Variants in KIF6 observed in about 807,000 individuals in gnomAD.
KIF6 encodes kinesin family member 6, also known as kinesin-like protein KIF6.
KIF6 carries 106 observed loss-of-function variants against 112.7 expected under a neutral mutation model. The ratio of observed to expected loss-of-function variants is 0.94; its 90% CI spans 0.80 to 1.11. KIF6 has a LOEUF of 1.11. Among genes scored for constraint, KIF6 ranks in the 50% least tolerant of loss-of-function variants. The pLI is 0.00. For synonymous variants in KIF6, 339 were observed against 339.9 expected, an observed-to-expected ratio of 1.00 and a Z score of 0.03; for missense variants, 929 against 964.0, an observed-to-expected ratio of 0.96 and a Z score of 0.48.
intron 15 of KIF6, among the ~76,000 whole-genome samples, chr6:39,417,637 C>T (rs1037897863): frequency 3.9e-5 from 6 of 152,110 alleles, no homozygotes; most frequent in Non-Finnish European, 7.4e-5. Context: ...TTAAGGCAGC[C>T]CCCAACCTGC....
At chr6:39,431,223 T>C in intron 13 of KIF6, 62 bp from the exon 14 acceptor site, 1 of 974,284 alleles carries the variant, frequency 1.0e-6, no homozygotes. Flanking sequence ...AATTTCATTG[T>C]CACTTCAGTC....
At chr6:39,592,110 TCAAAAAAACAAA>T (rs1042290226) in intron 7 of KIF6, among the ~76,000 whole-genome samples, 1 of 149,578 alleles carries the variant, frequency 6.7e-6, no homozygotes, top group Admixed American at 6.6e-5. Context: ...AGACTCCGTC[TCAAAAAAACAAA>T]CAAACAAACA....
At chr6:39,444,148 A>G (rs1772155145) in intron 13 of KIF6, among the ~76,000 whole-genome samples, 1 of 152,186 alleles carries the variant, frequency 6.6e-6, no homozygotes, top group Non-Finnish European at 1.5e-5. Context: ...ATTAAGGTTG[A>G]AAGAGGTTAA....
At chr6:39,427,802 T>G (rs1470048675) in intron 14 of KIF6, among the ~76,000 whole-genome samples, 1 of 152,202 alleles carries the variant, frequency 6.6e-6, no homozygotes, top group African/African-American at 2.4e-5. Context: ...TTGTCAGAAC[T>G]CTACTGTACA....
chr6:39,385,473 C>T, intron 16 of KIF6, 149 bp downstream of exon 16: 1 of 652,002 alleles, frequency 1.5e-6, no homozygotes, highest in Admixed American at 2.4e-5. Context: ...GAGGGGCATC[C>T]AAGGAAAGCT....
intron 13 of KIF6, among the ~76,000 whole-genome samples, chr6:39,447,458 AT>A (rs1772402808): frequency 6.6e-6 from 1 of 152,192 alleles, no homozygotes; most frequent in African/African-American, 2.4e-5. Flanking sequence ...GCACAAAGTC[AT>A]ATTTTAAAAT....
At chr6:39,568,709 C>T (rs1780463490) in intron 10 of KIF6, among the ~76,000 whole-genome samples, 1 of 151,938 alleles carries the variant, frequency 6.6e-6, no homozygotes, top group South Asian at 2.1e-4. Context: ...CACCATCATG[C>T]CCGGCTAATT....
At position 39,481,889 on chromosome 6, in the gene KIF6, G is replaced by A. The variant is rs575702956; in HGVS notation, c.1646-50728C>T. Among the ~76,000 whole-genome samples the A allele has an allele frequency of 7.2e-5, 11 of 152,120 alleles. No individual in the cohort carries two copies. The South Asian group carries it at 1.9e-3, about 26-fold the overall frequency. ...CCCTTCCCTAAAGTCTGCATTTTGAGCCCATTCTGATCTATCCCTTATGTG... is the reference window on the plus strand; with the variant it reads ...CCCTTCCCTAAAGTCTGCATTTTGAACCCATTCTGATCTATCCCTTATGTG... On this transcript the variant is annotated intron_variant, in intron 13 of 22. Coordinates refer to ENST00000287152, the MANE Select transcript of KIF6 (RefSeq NM_145027.6).
chr6:39,659,538 GTGTT>G (rs1425495024), intron 3 of KIF6, among the ~76,000 whole-genome samples: 1 of 152,106 alleles, frequency 6.6e-6, no homozygotes, highest in Non-Finnish European at 1.5e-5. Flanking sequence ...TAATCCCCAC[GTGTT>G]GTGGGATGGA....
chr6:39,542,079 T>C (rs982852726), intron 12 of KIF6, among the ~76,000 whole-genome samples: 1 of 152,094 alleles, frequency 6.6e-6, no homozygotes, highest in Admixed American at 6.5e-5. Flanking sequence ...GGGGAGGGGA[T>C]GGTGTAGGCA....
intron 13 of KIF6, among the ~76,000 whole-genome samples, chr6:39,455,328 A>C (rs1242866075): frequency 1.3e-5 from 2 of 151,866 alleles, no homozygotes; most frequent in East Asian, 3.9e-4. Context: ...TAGAAGGAAA[A>C]CTAACAAACA....
intron 13 of KIF6, among the ~76,000 whole-genome samples, chr6:39,443,887 G>C (rs1772132938): frequency 6.6e-6 from 1 of 152,158 alleles, no homozygotes; most frequent in African/African-American, 2.4e-5. Flanking sequence ...ATGGAGTTTA[G>C]ATATGCTTAT....
chr6:39,480,657 T>C (rs941518917), intron 13 of KIF6, among the ~76,000 whole-genome samples: 10 of 152,326 alleles, frequency 6.6e-5, no homozygotes, highest in African/African-American at 2.4e-4. Flanking sequence ...GAATGTCTGA[T>C]AGAATTCAGC....
At chr6:39,708,495 G>T (rs1053712799) in intron 3 of KIF6, among the ~76,000 whole-genome samples, 2 of 152,144 alleles carry the variant, frequency 1.3e-5, no homozygotes. Flanking sequence ...TGCCTTAGCT[G>T]TTCAGCACCA....
intron 13 of KIF6, among the ~76,000 whole-genome samples, chr6:39,474,194 G>A (rs1774294063): frequency 6.6e-6 from 1 of 152,184 alleles, no homozygotes; most frequent in African/African-American, 2.4e-5. Flanking sequence ...TTATCTGTAA[G>A]TCATGATATA....
At chr6:39,699,212 C>T (rs1788727907) in intron 3 of KIF6, among the ~76,000 whole-genome samples, 1 of 151,704 alleles carries the variant, frequency 6.6e-6, no homozygotes, top group East Asian at 1.9e-4. Context: ...ATGATAAGTG[C>T]TATGAAAAAA....
chr6:39,415,747 G>A (rs1026022663), intron 15 of KIF6, among the ~76,000 whole-genome samples: 34 of 152,178 alleles, frequency 2.2e-4, no homozygotes, highest in African/African-American at 8.0e-4. Context: ...AGCAAAAACA[G>A]TCTGGTTTAT....
At chr6:39,460,536 T>TAAAAAAA (rs759528125) in intron 13 of KIF6, among the ~76,000 whole-genome samples, 1 of 57,074 alleles carries the variant, frequency 1.8e-5, no homozygotes, top group Non-Finnish European at 3.2e-5. Flanking sequence ...AAAAAAAAAG[T>TAAAAAAA]AAAAAAAAAA....
chr6:39,667,049 T>C (rs1175318502), intron 3 of KIF6, among the ~76,000 whole-genome samples: 1 of 152,130 alleles, frequency 6.6e-6, no homozygotes, highest in African/African-American at 2.4e-5. Flanking sequence ...TTTCACTGTG[T>C]TGTAAGAAAT....
Sources: allele counts gnomAD v4.1 joint callset (sites outside exome capture counted in the v4.1 genomes callset), GRCh38; gene constraint gnomAD v4.1.1; transcripts MANE v1.5; gene names NCBI Gene and HGNC (gene_info 2026-07-23, HGNC 2026-07-21).